PKN2: variants seen among roughly 807,000 people sequenced by gnomAD.
PKN2 encodes protein kinase N2.
In PKN2, 38 loss-of-function variants were observed where a neutral mutation model predicts 119.1. The observed-to-expected ratio is 0.32, with a 90% CI of 0.25 to 0.42. PKN2 has a LOEUF of 0.42. Among genes scored for constraint, PKN2 ranks in the 10% least tolerant of loss-of-function variants. PKN2 has a pLI of 1.00. For synonymous variants in PKN2, 390 were observed against 384.9 expected (o/e 1.01, Z -0.15); for missense variants, 850 against 1,165.1 (o/e 0.73, Z 3.94).
intron 2 of PKN2, among the ~76,000 whole-genome samples, chr1:88,749,144 T>C (rs10489888): frequency 0.04 from 6,054 of 152,114 alleles, 278 homozygotes; most frequent in African/African-American, 0.1. Flanking sequence ...TAAGGAGAAT[T>C]TACAAAAGAA....
intron 1 of PKN2, among the ~76,000 whole-genome samples, chr1:88,703,723 G>C (rs1161220781): frequency 6.6e-6 from 1 of 152,092 alleles, no homozygotes; most frequent in Non-Finnish European, 1.5e-5. Flanking sequence ...AGGCTACTTA[G>C]TCTATAGTTC....
intron 8 of PKN2, among the ~76,000 whole-genome samples, chr1:88,798,828 A>G (rs969343328): frequency 2.6e-5 from 4 of 152,206 alleles, no homozygotes. Context: ...ATAAGTTCCT[A>G]CAAGGATACA....
intron 6 of PKN2, among the ~76,000 whole-genome samples, chr1:88,774,122 A>G (rs1669996751): frequency 6.6e-6 from 1 of 152,178 alleles, no homozygotes; most frequent in South Asian, 2.1e-4. Context: ...AAAAGAAAAT[A>G]AACATAAAGG....
At chr1:88,801,847 G>A (rs1392576862) in intron 8 of PKN2, among the ~76,000 whole-genome samples, 1 of 152,206 alleles carries the variant, frequency 6.6e-6, no homozygotes, top group African/African-American at 2.4e-5. Context: ...ATGCATTTGG[G>A]TTGTCCTTAC....
At chr1:88,695,545 T>C (rs1273494267) in intron 1 of PKN2, among the ~76,000 whole-genome samples, 2 of 152,214 alleles carry the variant, frequency 1.3e-5, no homozygotes, top group Non-Finnish European at 2.9e-5. Flanking sequence ...TATGTTGTTT[T>C]CTGTCATCCA....
Position 88,804,397 on chromosome 1 carries a change from G to T in PKN2, c.1288G>T (p.Glu430Ter). 6.2e-7 allele frequency: 1 copy of T among 1,609,682 alleles called. No homozygotes were observed. Among genetic ancestry groups the T allele is most frequent in the South Asian group, 1.1e-5 (1 of 90,330 alleles). ...TTTTTTTTAATTATCCTAGTCACGT[G>T]AACTGGAAATTTCAGTTTATTGGCG... ...KFTLELDRSR[E>*]LEISVYWRDW... The change falls in exon 9 of 22, where the codon GAA becomes TAA. Residue 430 changes from glutamate (E) to a stop codon, truncating the protein, a stop_gained. Coordinates refer to ENST00000370521, the MANE Select transcript of PKN2 (RefSeq NM_006256.4). LOFTEE classifies it high-confidence loss of function.
At position 88,825,479 on chromosome 1, in the gene PKN2, G is replaced by T. The variant is rs17130622; in HGVS notation, c.2419+1093G>T. 3.8e-3 allele frequency among the ~76,000 whole-genome samples: 580 copies of T among 152,244 alleles called. 12 individuals carry two copies. Among genetic ancestry groups the T allele is most frequent in the East Asian group, 0.032 (163 of 5,162 alleles). ...CATTTATTTTCCGCCGGTAGTCTGG[G>T]TGTTGGTATCACAATCCCCTCAGCC... On this transcript the variant is annotated intron_variant, in intron 18 of 21. Transcript: ENST00000370521.
chr1:88,768,009 T>C (rs1669734397), intron 3 of PKN2, among the ~76,000 whole-genome samples: 1 of 152,236 alleles, frequency 6.6e-6, no homozygotes, highest in African/African-American at 2.4e-5. Flanking sequence ...TAGTACTGAT[T>C]GCCTTAGTGA....
intron 1 of PKN2, among the ~76,000 whole-genome samples, chr1:88,728,575 T>C (rs1292821940): frequency 6.6e-6 from 1 of 152,120 alleles, no homozygotes; most frequent in Non-Finnish European, 1.5e-5. Flanking sequence ...TACAGAAAAA[T>C]AGATAACCAT....
At chr1:88,743,728 T>C (rs1212008262) in intron 2 of PKN2, among the ~76,000 whole-genome samples, 2 of 152,142 alleles carry the variant, frequency 1.3e-5, no homozygotes, top group African/African-American at 2.4e-5. Context: ...TATCTCAAAA[T>C]AGAAAAACAC....
At chr1:88,772,747 C>G (rs1286092144) in intron 6 of PKN2, among the ~76,000 whole-genome samples, 1 of 152,144 alleles carries the variant, frequency 6.6e-6, no homozygotes, top group East Asian at 1.9e-4. Context: ...GAGGAACTGT[C>G]AAACTGTTCT....
Position 88,684,481 on chromosome 1 carries a change from C to G in PKN2, c.-100C>G. The G allele has an allele frequency of 4.4e-4, 285 of 644,266 alleles. No homozygotes were observed. Among genetic ancestry groups the G allele is most frequent in the Middle Eastern group, 1.6e-3 (4 of 2,446 alleles). The allele number at this position is 644,266 out of a possible 1,614,324, so 39.9% of individuals were successfully genotyped here. On this transcript the variant is annotated 5_prime_UTR_variant, in exon 1 of 22. Coordinates refer to ENST00000370521, the MANE Select transcript of PKN2 (RefSeq NM_006256.4). Reference sequence around the variant, plus strand: ...AATCCCTAGTTGTTTTTTTTTTTTTCTTTCTCTCCCCTCTCCTCACCCCCA... The same window carrying G: ...AATCCCTAGTTGTTTTTTTTTTTTTGTTTCTCTCCCCTCTCCTCACCCCCA...
chr1:88,706,648 C>T (rs1284816128), intron 1 of PKN2, among the ~76,000 whole-genome samples: 1 of 152,112 alleles, frequency 6.6e-6, no homozygotes, highest in African/African-American at 2.4e-5. Context: ...GGGATGTTTG[C>T]TGCTTTTCCT....
intron 1 of PKN2, among the ~76,000 whole-genome samples, chr1:88,727,584 T>C (rs1158655035): frequency 1.3e-5 from 2 of 152,254 alleles, no homozygotes; most frequent in African/African-American, 4.8e-5. Flanking sequence ...TGCTATTTTA[T>C]TGTTTTCTGT....
At chr1:88,744,055 A>G (rs1668675545) in intron 2 of PKN2, among the ~76,000 whole-genome samples, 1 of 152,058 alleles carries the variant, frequency 6.6e-6, no homozygotes, top group Admixed American at 6.5e-5. Flanking sequence ...GTAATAAGTC[A>G]TTTTCTCTTT....
intron 16 of PKN2, chr1:88,815,498 A>G (rs1463962664): frequency 6.9e-6 from 2 of 290,754 alleles, no homozygotes; most frequent in Non-Finnish European, 1.3e-5. Context: ...TTTATTGTCT[A>G]TCTTATTTCA....
intron 1 of PKN2, among the ~76,000 whole-genome samples, chr1:88,708,224 G>A (rs1667078140): frequency 1.3e-5 from 2 of 152,054 alleles, no homozygotes; most frequent in South Asian, 4.1e-4. Context: ...TGTTAAACCT[G>A]TAGATCTTGT....
At chr1:88,781,020 A>C in intron 6 of PKN2, 4 of 915,706 alleles carry the variant, frequency 4.4e-6, no homozygotes, top group Non-Finnish European at 5.4e-6. Flanking sequence ...AAAAAGAAGT[A>C]TCTTACAATT....
intron 1 of PKN2, among the ~76,000 whole-genome samples, chr1:88,713,548 T>C (rs1256874779): frequency 2.6e-5 from 4 of 152,180 alleles, no homozygotes; most frequent in Admixed American, 1.3e-4. Flanking sequence ...CTTTTTTTCA[T>C]GTGTCCGTTG....
Sources: gnomAD v4.1 joint callset for allele counts (sites outside exome capture counted in the v4.1 genomes callset) on GRCh38, gnomAD v4.1.1 for gene constraint, MANE v1.5 for transcripts, NCBI Gene and HGNC (gene_info 2026-07-23, HGNC 2026-07-21) for gene names.